The following CLSTN2 variants were observed in gnomAD, a reference collection of about 807,000 sequenced individuals.
CLSTN2 encodes the protein calsyntenin-2.
In CLSTN2, 48 loss-of-function variants were observed where a neutral mutation model predicts 101.2. The ratio of observed to expected loss-of-function variants is 0.47; its 90% CI spans 0.38 to 0.60. The LOEUF is 0.60. Ranked by LOEUF, CLSTN2 falls within the 20% of genes least tolerant of loss-of-function variation. CLSTN2 has a pLI of 0.00. For synonymous variants in CLSTN2, 481 were observed against 463.6 expected (o/e 1.04, Z -0.48); for missense variants, 1,160 against 1,238.2 (o/e 0.94, Z 0.95).
chr3:140,193,109 T>A (rs1221463575), intron 2 of CLSTN2, among the ~76,000 whole-genome samples: 1 of 151,912 alleles, frequency 6.6e-6, no homozygotes, highest in Non-Finnish European at 1.5e-5. Context: ...CTATATATGC[T>A]TAGAGCCGTA....
At chr3:140,362,759 C>T (rs1298615818) in intron 2 of CLSTN2, among the ~76,000 whole-genome samples, 1 of 151,990 alleles carries the variant, frequency 6.6e-6, no homozygotes, top group African/African-American at 2.4e-5. Flanking sequence ...AATTTAAAAC[C>T]ACAGTAAGCT....
intron 8 of CLSTN2, among the ~76,000 whole-genome samples, chr3:140,501,386 GC>G (rs1934574482): frequency 6.6e-6 from 1 of 151,192 alleles, no homozygotes; most frequent in Non-Finnish European, 1.5e-5. Context: ...GCTTTCTCCT[GC>G]CTAGCCTGAA....
intron 1 of CLSTN2, among the ~76,000 whole-genome samples, chr3:140,113,929 T>TA (rs2009197209): frequency 6.6e-6 from 1 of 152,202 alleles, no homozygotes; most frequent in Non-Finnish European, 1.5e-5. Flanking sequence ...AAGTTATTCA[T>TA]AATTGCGGGA....
intron 6 of CLSTN2, 32 bp from the exon 7 acceptor site, chr3:140,459,489 C>T: frequency 6.2e-7 from 1 of 1,610,878 alleles, no homozygotes; most frequent in Non-Finnish European, 8.5e-7. Flanking sequence ...CGCATCATGA[C>T]CTGTTATCCT....
At chr3:140,468,790 G>A (rs1043939957) in intron 8 of CLSTN2, among the ~76,000 whole-genome samples, 2 of 152,162 alleles carry the variant, frequency 1.3e-5, no homozygotes, top group African/African-American at 4.8e-5. Context: ...AAATTTTAGA[G>A]ATCAGAATTA....
At chr3:140,458,454 T>C (rs1490665556) in intron 6 of CLSTN2, among the ~76,000 whole-genome samples, 2 of 152,116 alleles carry the variant, frequency 1.3e-5, no homozygotes, top group Non-Finnish European at 2.9e-5. Flanking sequence ...GCCCTGTCTG[T>C]GTATAGAACA....
intron 1 of CLSTN2, among the ~76,000 whole-genome samples, chr3:140,130,492 T>C (rs530680178): frequency 6.6e-6 from 1 of 152,286 alleles, no homozygotes; most frequent in African/African-American, 2.4e-5. Context: ...TGGGGGACAG[T>C]GAAGGAACAT....
chr3:140,464,964 C>T (rs575588932), intron 7 of CLSTN2, among the ~76,000 whole-genome samples: 104 of 152,262 alleles, frequency 6.8e-4, no homozygotes, highest in Non-Finnish European at 1.2e-3. Flanking sequence ...CGTTGTGTTG[C>T]CCTGGTCATG....
chr3:140,240,635 C>T (rs945837099), intron 2 of CLSTN2, among the ~76,000 whole-genome samples: 1 of 152,056 alleles, frequency 6.6e-6, no homozygotes, highest in Non-Finnish European at 1.5e-5. Flanking sequence ...TACCAGGATG[C>T]TAACACACTT....
intron 8 of CLSTN2, among the ~76,000 whole-genome samples, chr3:140,479,854 A>C (rs367674207): frequency 1.3e-5 from 2 of 152,320 alleles, no homozygotes; most frequent in South Asian, 4.1e-4. Flanking sequence ...GTAAAGATTG[A>C]ATAAGATCAG....
At chr3:140,339,217 A>G (rs760824665) in intron 2 of CLSTN2, among the ~76,000 whole-genome samples, 3 of 152,076 alleles carry the variant, frequency 2.0e-5, no homozygotes, top group Non-Finnish European at 4.4e-5. Context: ...AATTTTTTCC[A>G]TTTGGACTAT....
intron 2 of CLSTN2, among the ~76,000 whole-genome samples, chr3:140,223,623 G>A (rs1452848095): frequency 1.3e-5 from 2 of 152,138 alleles, no homozygotes; most frequent in Non-Finnish European, 2.9e-5. Flanking sequence ...CCGGGTAGAT[G>A]TCTCTCACAG....
chr3:140,380,066 G>T (rs1308394231), intron 2 of CLSTN2, among the ~76,000 whole-genome samples: 2 of 152,068 alleles, frequency 1.3e-5, no homozygotes, highest in African/African-American at 2.4e-5. Flanking sequence ...CTTTCTGGTG[G>T]AATTTCAGAC....
chr3:140,532,114 C>A (rs947801167), intron 8 of CLSTN2, among the ~76,000 whole-genome samples: 4 of 152,130 alleles, frequency 2.6e-5, no homozygotes, highest in African/African-American at 9.7e-5. Context: ...ATATCGGATT[C>A]TTGGGTGTTT....
chr3:140,266,385 A>G (rs2086694076), intron 2 of CLSTN2, among the ~76,000 whole-genome samples: 1 of 152,238 alleles, frequency 6.6e-6, no homozygotes, highest in Non-Finnish European at 1.5e-5. Flanking sequence ...ATTATAAGAT[A>G]GTAGTGGTTG....
At chr3:140,294,125 A>G (rs2086980883) in intron 2 of CLSTN2, among the ~76,000 whole-genome samples, 1 of 152,124 alleles carries the variant, frequency 6.6e-6, no homozygotes, top group African/African-American at 2.4e-5. Flanking sequence ...CAAATGGAGT[A>G]TGGTTTCTAT....
chr3:140,162,744 CT>C (rs1191268042), intron 1 of CLSTN2, among the ~76,000 whole-genome samples: 1 of 152,126 alleles, frequency 6.6e-6, no homozygotes, highest in African/African-American at 2.4e-5. Context: ...CAAAATTGGC[CT>C]GCCAGTGCTT....
intron 8 of CLSTN2, among the ~76,000 whole-genome samples, chr3:140,519,279 T>G (rs1215641994): frequency 6.6e-6 from 1 of 152,246 alleles, no homozygotes; most frequent in Non-Finnish European, 1.5e-5. Context: ...AAGTGCCATG[T>G]GGCAATGAGA....
intron 1 of CLSTN2, among the ~76,000 whole-genome samples, chr3:140,146,568 T>C (rs200915869): frequency 6.6e-6 from 1 of 152,376 alleles, no homozygotes; most frequent in East Asian, 1.9e-4. Context: ...GAAGCTCATC[T>C]TGGGTGCAAG....
Sources: gnomAD v4.1 joint callset for allele counts (sites outside exome capture counted in the v4.1 genomes callset) on GRCh38, gnomAD v4.1.1 for gene constraint, MANE v1.5 for transcripts, NCBI Gene and HGNC (gene_info 2026-07-23, HGNC 2026-07-21) for gene names.